FOXD4: variants seen among roughly 807,000 people sequenced by gnomAD.
The protein encoded by FOXD4 is forkhead box protein D4.
FOXD4 carries 22 observed loss-of-function variants against 26.5 expected under a neutral mutation model. The ratio of observed to expected loss-of-function variants is 0.83; its 90% CI spans 0.59 to 1.18. The LOEUF is 1.18. Ranked by LOEUF, FOXD4 falls within the 50% of genes most tolerant of loss-of-function variation. FOXD4 has a pLI of 0.00. For missense variants in FOXD4, 625 were observed against 605.8 expected, an observed-to-expected ratio of 1.03 and a Z score of -0.33; for synonymous variants, 258 against 273.7, an observed-to-expected ratio of 0.94 and a Z score of 0.57.
rs563610552 is a variant in FOXD4 at position 116,735 on chromosome 9, C to A, written c.*65G>T. 3 of 1,530,300 alleles carry A rather than the reference C, an allele frequency of 2.0e-6. No homozygotes were observed. The highest frequency in any genetic ancestry group is 2.1e-5 in the Admixed American group (1 of 48,396). 94.8% of individuals were successfully genotyped at this position (1,530,300 alleles called of 1,614,324 possible). A position where few individuals can be genotyped will look rare whatever the true frequency, so the allele number is the denominator to read the frequency against. ...CTCTCCAGCGGGATTCAGATGCACA[C>A]GCCCAGTATGGGCCGCGCAAGGTGG... is the stretch of plus-strand genomic sequence containing the variant. On this transcript the variant is annotated 3_prime_UTR_variant, in exon 1 of 1. Coordinates refer to ENST00000382500, the MANE Select transcript of FOXD4 (RefSeq NM_207305.5).
rs1175760278 is a variant in FOXD4 at position 118,376 on chromosome 9, G to T, written c.-257C>A. Among the ~76,000 whole-genome samples, 1 of 149,770 alleles carries T rather than the reference G, an allele frequency of 6.7e-6. No homozygotes were observed. The highest frequency in any genetic ancestry group is 1.5e-5 in the Non-Finnish European group (1 of 67,284). On this transcript the variant is annotated 5_prime_UTR_variant, in exon 1 of 1. Transcript: ENST00000382500. Reference sequence around the variant, plus strand: ...AACCCTTCTTCCCCTACCTCGGAGCGGTGCCACTTCCTCCTAACGTAGTCC... The same window carrying T: ...AACCCTTCTTCCCCTACCTCGGAGCTGTGCCACTTCCTCCTAACGTAGTCC...
chr9:117,352 G>T, the FOXD4 span: 1 of 1,593,032 alleles, frequency 6.3e-7, no homozygotes, highest in Non-Finnish European at 8.5e-7. Context: ...GCAGCAGAGC[G>T]TAAGGGCGTC....
Position 118,059 on chromosome 9 carries a change from C to G in FOXD4, c.61G>C (p.Asp21His), listed in dbSNP as rs767436497. Residue 21 changes from aspartate (D) to histidine (H), a missense_variant, in exon 1 of 1, where the codon GAT (aspartate) becomes CAT (histidine). Around this residue, in one of 3 missense-constraint regions of FOXD4, gnomAD observed 399 missense variants for 329.4 expected, o/e 1.21. Transcript: ENST00000382500. ...STPQRSLRDS[D>H]GEDGKIDVLG... ...ACATCGATTTTACCGTCTTCCCCAT[C>G]GGAGTCCCGGAGGCTGCGCTGCGGT... 2 of 1,612,040 alleles carry G rather than the reference C, an allele frequency of 1.2e-6. No homozygotes were observed. Among genetic ancestry groups the G allele is most frequent in the Admixed American group, 1.7e-5 (1 of 60,024 alleles).
rs750545812 is a variant in FOXD4, at chr9:117,045, G to C, written c.1075C>G (p.Arg359Gly). The C allele has an allele frequency of 6.2e-7, 1 of 1,612,074 alleles. No homozygotes were observed. The highest frequency in any genetic ancestry group is 2.2e-5 in the East Asian group (1 of 44,894). ...APCSSDRQAC[R>G]TILQQQQRHQ... ...CGCTGCTGTTGCTGCAAAATTGTCC[G>C]ACAGGCTTGACGGTCGCTGGAGCAG... Residue 359 changes from arginine to glycine, a missense_variant, in exon 1 of 1, where the codon CGG becomes GGG. This residue lies in a region of FOXD4 where 134 missense variants were observed against 132.2 expected (regional missense o/e 1.01). Coordinates refer to ENST00000382500, the MANE Select transcript of FOXD4 (RefSeq NM_207305.5).
Position 116,721 on chromosome 9 carries a change from G to C in FOXD4, c.*79C>G, listed in dbSNP as rs879085107. On this transcript the variant is annotated 3_prime_UTR_variant, in exon 1 of 1. Transcript: ENST00000382500. ...GAAGTTCGTGTTTGCTCTCCAGCGG[G>C]ATTCAGATGCACACGCCCAGTATGG... The C allele has an allele frequency of 6.6e-7, 1 of 1,519,128 alleles. No individual in the cohort carries two copies. The highest frequency in any genetic ancestry group is 1.4e-5 in the African/African-American group (1 of 71,770). The allele number at this position is 1,519,128 out of a possible 1,614,324, so 94.1% of individuals were successfully genotyped here.
chr9:117,024 G>A, the FOXD4 span: 1 of 1,612,080 alleles, frequency 6.2e-7, no homozygotes, highest in Non-Finnish European at 8.5e-7. Context: ...TGATGCCGCT[G>A]CTGTTGCTGC....
At position 117,073 on chromosome 9, in the gene FOXD4, G is replaced by A. The variant is rs759170357; in HGVS notation, c.1047C>T (p.Ala349=). 27 of 1,612,050 alleles carry A rather than the reference G, an allele frequency of 1.7e-5. No homozygotes were observed. Among genetic ancestry groups the A allele is most frequent in the African/African-American group, 1.6e-4 (12 of 74,982 alleles). ...RVCPRPRGAT[A]PCSSDRQACR... Reference sequence around the variant, plus strand: ...AGGCTTGACGGTCGCTGGAGCAGGGGGCAGTAGCTCCACGCGGTCGGGGAC... The same window carrying A: ...AGGCTTGACGGTCGCTGGAGCAGGGAGCAGTAGCTCCACGCGGTCGGGGAC... The change falls in exon 1 of 1, where the codon GCC becomes GCT. Residue 349 remains alanine, a synonymous_variant. Coordinates refer to ENST00000382500, the MANE Select transcript of FOXD4 (RefSeq NM_207305.5).
rs1199111190 is a variant in FOXD4, at chr9:117,741, G to C, written c.379C>G (p.Leu127Val). The C allele has an allele frequency of 6.2e-7, 1 of 1,613,264 alleles. No homozygotes were observed. The highest frequency in any genetic ancestry group is 1.1e-5 in the South Asian group (1 of 91,030). ...CTAATGAAGGCGCAGATGCCGCTGA[G>C]CGTGAGGCGCTTGTGCGGGCTTTGC... Reference protein sequence around the residue: ...ILQSPHKRLTLSGICAFISDR... With the variant: ...ILQSPHKRLTVSGICAFISDR... Residue 127 changes from leucine (L) to valine (V), a missense_variant, in exon 1 of 1, where the codon CTC becomes GTC. Transcript: ENST00000382500.
rs1280743794 is a variant in FOXD4 at position 117,095 on chromosome 9, G to A, written c.1025C>T (p.Pro342Leu). 1 of 1,611,868 alleles carries A rather than the reference G, an allele frequency of 6.2e-7. No homozygotes were observed. The highest frequency in any genetic ancestry group is 8.5e-7 in the Non-Finnish European group (1 of 1,179,864). The change falls in exon 1 of 1, where the codon CCC becomes CTC. Residue 342 changes from proline to leucine, a missense_variant. Pro to Leu is a moderately conservative substitution (Grantham distance 98, BLOSUM62 -3). This residue lies in a region of FOXD4 where 92 missense variants were observed against 144.2 expected (regional missense o/e 0.64). Transcript: ENST00000382500. ...ERVQGLRRVC[P>L]RPRGATAPCS... ...GGGGGCAGTAGCTCCACGCGGTCGG[G>A]GACAAACTCTGCGCAGCCCCTGTAC... is the stretch of plus-strand genomic sequence containing the variant.
rs1296378161 is a variant in FOXD4 at position 116,961 on chromosome 9, C to G, written c.1159G>C (p.Gly387Arg). 5.0e-6 allele frequency: 8 copies of G among 1,611,732 alleles called. No homozygotes were observed. The Admixed American group carries it at 8.3e-5, about 17-fold the overall frequency. Residue 387 changes from glycine to arginine, a missense_variant, in exon 1 of 1, where the codon GGG becomes CGG. Physicochemically the swap from Gly to Arg is moderately radical, Grantham distance 125. This residue lies in a region of FOXD4 where 134 missense variants were observed against 132.2 expected (regional missense o/e 1.01). Transcript: ENST00000382500. ...AGCGCCGACGCGGCCGACAGGTGCC[C>G]GCCCAGCACCGCGCCCTTGGTGGGA... ...CAPTKGAVLG[G>R]HLSAASALLR...
Position 117,620 on chromosome 9 carries a change from C to A in FOXD4, c.500G>T (p.Arg167Leu). 6.2e-7 allele frequency: 1 copy of A among 1,613,878 alleles called. No homozygotes were observed. Among genetic ancestry groups the A allele is most frequent in the Non-Finnish European group, 8.5e-7 (1 of 1,180,036 alleles). Residue 167 changes from arginine (R) to leucine (L), a missense_variant, in exon 1 of 1, where the codon CGC becomes CTC. Arg to Leu is a moderately radical substitution (Grantham distance 102). Coordinates refer to ENST00000382500, the MANE Select transcript of FOXD4 (RefSeq NM_207305.5). ...SLNDCFVKIP[R>L]EPGRPGKGNY... ...GCCCTTGCCTGGGCGGCCCGGCTCG[C>A]GGGGGATCTTGACGAAGCAGTCGTT...
In FOXD4 at chr9:116,692, A is replaced by G. The variant is rs1370044913; in HGVS notation, c.*108T>C. The G allele has an allele frequency of 1.3e-5, 20 of 1,495,288 alleles. No individual in the cohort carries two copies. Among genetic ancestry groups the G allele is most frequent in the Non-Finnish European group, 1.8e-5 (20 of 1,116,454 alleles). 92.6% of individuals were successfully genotyped at this position (1,495,288 alleles called of 1,614,324 possible). ...GTTTCTTTCTAACCATTTTGCAGGG[A>G]ACAGAAGTTCGTGTTTGCTCTCCAG... On this transcript the variant is annotated 3_prime_UTR_variant, in exon 1 of 1. Transcript: ENST00000382500.
chr9:117,774 C>T lies in FOXD4; in HGVS notation c.346G>A (p.Ala116Thr), dbSNP rs773724793. ...CGCTTGTGCGGGCTTTGCAGGATGG[C>T]CATGGTGATGAGCGCGATGTACGAG... ...PSSYIALITM[A>T]ILQSPHKRLT... Residue 116 changes from alanine (A) to threonine (T), a missense_variant, in exon 1 of 1, where the codon GCC becomes ACC. Ala to Thr is a moderately conservative substitution (Grantham distance 58). Coordinates refer to ENST00000382500, the MANE Select transcript of FOXD4 (RefSeq NM_207305.5). 7 of 1,613,104 alleles carry T rather than the reference C, an allele frequency of 4.3e-6. No homozygotes were observed. The highest frequency in any genetic ancestry group is 1.3e-5 in the African/African-American group (1 of 74,846).
At position 118,326 on chromosome 9, in the gene FOXD4, A is replaced by G. The variant is rs1245135280; in HGVS notation, c.-207T>C. ...CTTTTATAAAAGCTTCTTCAAGACC[A>G]TGTGTGGTGGACGCCTCCCTTTATA... On this transcript the variant is annotated 5_prime_UTR_variant, in exon 1 of 1. It removes an upstream start codon present in the reference 5' UTR. Coordinates refer to ENST00000382500, the MANE Select transcript of FOXD4 (RefSeq NM_207305.5). The G allele has an allele frequency of 3.4e-5, 35 of 1,027,328 alleles. No homozygotes were observed. In the South Asian group the frequency reaches 5.1e-4, roughly 15 times the overall value. The allele number at this position is 1,027,328 out of a possible 1,614,324, so 63.6% of individuals were successfully genotyped here.
Position 117,018 on chromosome 9 carries a change from G to T in FOXD4, c.1102C>A (p.His368Asn), listed in dbSNP as rs1230854798. The T allele has an allele frequency of 1.2e-6, 2 of 1,611,954 alleles. No individual in the cohort carries two copies. The highest frequency in any genetic ancestry group is 1.7e-6 in the Non-Finnish European group (2 of 1,179,866). The change falls in exon 1 of 1, where the codon CAT becomes AAT. Residue 368 changes from histidine (H) to asparagine (N), a missense_variant. This residue lies in a region of FOXD4 where 134 missense variants were observed against 132.2 expected (regional missense o/e 1.01). Coordinates refer to ENST00000382500, the MANE Select transcript of FOXD4 (RefSeq NM_207305.5). The stretch of plus-strand genomic sequence containing the variant: ...CCGTTGGCGCAGTCCTCCTCCTGAT[G>T]CCGCTGCTGTTGCTGCAAAATTGTC... ...CRTILQQQQR[H>N]QEEDCANGCA...
rs1819405574 is a variant in FOXD4, at chr9:117,714, C to T, written c.406G>A (p.Asp136Asn). 2 of 1,612,966 alleles carry T rather than the reference C, an allele frequency of 1.2e-6. No homozygotes were observed. The highest frequency in any genetic ancestry group is 1.7e-6 in the Non-Finnish European group (2 of 1,179,874). The change falls in exon 1 of 1, where the codon GAC becomes AAC. Residue 136 changes from aspartate to asparagine, a missense_variant. Coordinates refer to ENST00000382500, the MANE Select transcript of FOXD4 (RefSeq NM_207305.5). The part of the protein sequence containing the change: ...TLSGICAFIS[D>N]RFPYYRRKFP... The stretch of plus-strand genomic sequence containing the variant: ...TTGCGGCGGTAGTAGGGGAAGCGGT[C>T]ACTAATGAAGGCGCAGATGCCGCTG...
rs776697268 is a variant in FOXD4 at position 116,767 on chromosome 9, C to A, written c.*33G>T. On this transcript the variant is annotated 3_prime_UTR_variant, in exon 1 of 1. Coordinates refer to ENST00000382500, the MANE Select transcript of FOXD4 (RefSeq NM_207305.5). Reference sequence around the variant, plus strand: ...TATGGGCCGCGCAAGGTGGAGTGAGCAGCTGCGGGTCGCTCCCCACTCCCA... The same window carrying A: ...TATGGGCCGCGCAAGGTGGAGTGAGAAGCTGCGGGTCGCTCCCCACTCCCA... The A allele has an allele frequency of 2.6e-6, 4 of 1,562,978 alleles. No individual in the cohort carries two copies. In the African/African-American group the frequency reaches 4.1e-5, roughly 16 times the overall value.
At position 117,269 on chromosome 9, in the gene FOXD4, G is replaced by T. The variant is rs746864855; in HGVS notation, c.851C>A (p.Ala284Glu). The change falls in exon 1 of 1, where the codon GCG becomes GAG. Residue 284 changes from alanine to glutamate, a missense_variant. Physicochemically the swap from Ala to Glu is moderately radical, Grantham distance 107 (BLOSUM62 -1). Coordinates refer to ENST00000382500, the MANE Select transcript of FOXD4 (RefSeq NM_207305.5). ...GAAGGGTGCCGGGGTCGCCAGGTCC[G>T]CGCCTTCTGCTTTCTTCGGTGCCCC... ...YAGAPKKAEG[A>E]DLATPAPFPC... 1 of 1,606,942 alleles carries T rather than the reference G, an allele frequency of 6.2e-7. No individual in the cohort carries two copies. The highest frequency in any genetic ancestry group is 8.5e-7 in the Non-Finnish European group (1 of 1,179,830).
At position 116,798 on chromosome 9, in the gene FOXD4, C is replaced by G; in HGVS notation, c.*2G>C. On this transcript the variant is annotated 3_prime_UTR_variant, in exon 1 of 1. Coordinates refer to ENST00000382500, the MANE Select transcript of FOXD4 (RefSeq NM_207305.5). ...CGGGTCGCTCCCCACTCCCACCTGG[C>G]TCTAGGAGGGCCCTGCGGACTCGGC... 1.3e-6 allele frequency: 2 copies of G among 1,592,134 alleles called. No individual in the cohort carries two copies. Among genetic ancestry groups the G allele is most frequent in the Non-Finnish European group, 1.7e-6 (2 of 1,169,396 alleles).
Sources: allele counts gnomAD v4.1 joint callset (sites outside exome capture counted in the v4.1 genomes callset), GRCh38; gene constraint gnomAD v4.1.1; regional missense constraint gnomAD v4.1.1; transcripts MANE v1.5; gene names NCBI Gene and HGNC (gene_info 2026-07-23, HGNC 2026-07-21).